MACF1: variants seen among roughly 807,000 people sequenced by gnomAD.
The protein encoded by MACF1 is microtubule-actin cross-linking factor 1.
In MACF1, 193 loss-of-function variants were observed where a neutral mutation model predicts 854.8. That is an observed-to-expected ratio of 0.23 (90% CI 0.20 to 0.25). MACF1 has a LOEUF of 0.25. MACF1 is among the 10% of genes least tolerant of loss of function. The pLI, the probability that MACF1 is intolerant of heterozygous loss-of-function variation, is 1.00. For missense variants in MACF1, 7,722 were observed against 8,929.1 expected, an observed-to-expected ratio of 0.86 and a Z score of 5.45; for synonymous variants, 3,185 against 3,226.7, an observed-to-expected ratio of 0.99 and a Z score of 0.44.
chr1:39,450,421 C>A (rs1644318210), intron 84 of MACF1, among the ~76,000 whole-genome samples: 1 of 151,770 alleles, frequency 6.6e-6, no homozygotes, highest in Admixed American at 6.6e-5. Flanking sequence ...AAACTATCAT[C>A]TTTTACTTAG....
intron 2 of MACF1, among the ~76,000 whole-genome samples, chr1:39,167,567 G>A (rs982899786): frequency 6.6e-5 from 10 of 152,150 alleles, no homozygotes; most frequent in Middle Eastern, 6.8e-3. Flanking sequence ...TTAGCTGGGC[G>A]TGGTGGTGCA....
At chr1:39,224,591 T>C (rs1644691012) in intron 1 of MACF1, among the ~76,000 whole-genome samples, 1 of 151,966 alleles carries the variant, frequency 6.6e-6, no homozygotes, top group East Asian at 1.9e-4. Context: ...ATAGAATAAA[T>C]AGGAGGTGGG....
chr1:39,305,594 A>G (rs1316071076), intron 23 of MACF1, among the ~76,000 whole-genome samples: 2 of 152,180 alleles, frequency 1.3e-5, no homozygotes, highest in Non-Finnish European at 2.9e-5. Context: ...AAATGTGGTT[A>G]TGTCACAGTT....
At chr1:39,374,901 G>C (rs1649576079) in intron 52 of MACF1, among the ~76,000 whole-genome samples, 1 of 152,060 alleles carries the variant, frequency 6.6e-6, no homozygotes, top group Non-Finnish European at 1.5e-5. Flanking sequence ...ATGAGGTCAG[G>C]TGATCGAGAC....
chr1:39,171,902 A>G (rs910512477), intron 2 of MACF1, among the ~76,000 whole-genome samples: 2 of 152,242 alleles, frequency 1.3e-5, no homozygotes, highest in Admixed American at 1.3e-4. Context: ...CTGGGATTAT[A>G]GGCGTGAGCC....
chr1:39,444,201 G>A (rs1448543243), intron 79 of MACF1, among the ~76,000 whole-genome samples: 1 of 152,052 alleles, frequency 6.6e-6, no homozygotes, highest in African/African-American at 2.4e-5. Flanking sequence ...CGGGCGTGGT[G>A]GCGGGCGCCT....
At chr1:39,287,238 T>C in intron 14 of MACF1, 48 bp from the exon 15 acceptor site, 1 of 1,565,622 alleles carries the variant, frequency 6.4e-7, no homozygotes, top group Non-Finnish European at 8.7e-7. Flanking sequence ...TTTTAAAAAC[T>C]ATACTATAGA....
chr1:39,367,342 GT>G (rs943386929), intron 49 of MACF1, among the ~76,000 whole-genome samples: 21 of 148,060 alleles, frequency 1.4e-4, no homozygotes, highest in African/African-American at 2.0e-4. Flanking sequence ...TGCATTGGCT[GT>G]TTTTTTTTTA....
intron 31 of MACF1, among the ~76,000 whole-genome samples, chr1:39,320,440 T>C (rs1404532488): frequency 1.3e-5 from 2 of 152,200 alleles, no homozygotes; most frequent in Non-Finnish European, 2.9e-5. Context: ...ACTCTGCCAG[T>C]TATGTGACAT....
intron 2 of MACF1, among the ~76,000 whole-genome samples, chr1:39,104,395 C>G (rs912004626): frequency 2.6e-5 from 4 of 152,204 alleles, no homozygotes; most frequent in Non-Finnish European, 5.9e-5. Context: ...AGTTTCCTTT[C>G]TTTACTCTTT....
In MACF1 at chr1:39,268,488, A is replaced by G. The variant is rs999163108; in HGVS notation, c.528+10460A>G. 7.1e-6 allele frequency: 8 copies of G among 1,133,604 alleles called. No homozygotes were observed. In the African/African-American group the frequency reaches 1.3e-4, roughly 19 times the overall value. 70.2% of individuals were successfully genotyped at this position (1,133,604 alleles called of 1,614,324 possible). A position where few individuals can be genotyped will look rare whatever the true frequency, so the allele number is the denominator to read the frequency against. Reference sequence around the variant, plus strand: ...AGATGCTTTGAATTTGTCTTGTTGCAGCTCTGAGCCTGTAAGATGGCTGTC... The same window carrying G: ...AGATGCTTTGAATTTGTCTTGTTGCGGCTCTGAGCCTGTAAGATGGCTGTC... On this transcript the variant is annotated intron_variant, in intron 6 of 100. Transcript: ENST00000564288.
At chr1:39,224,186 C>T (rs1265199468) in intron 1 of MACF1, among the ~76,000 whole-genome samples, 1 of 151,842 alleles carries the variant, frequency 6.6e-6, no homozygotes. Context: ...CCCCCTACTC[C>T]CCCCCATACA....
chr1:39,331,162 T>A lies in MACF1; in HGVS notation c.4615-41T>A, dbSNP rs1161135001. The A allele has an allele frequency of 1.5e-5, 22 of 1,477,916 alleles. No homozygotes were observed. In the African/African-American group the frequency reaches 2.6e-4, roughly 17 times the overall value. 91.6% of individuals were successfully genotyped at this position (1,477,916 alleles called of 1,614,324 possible). A position where few individuals can be genotyped will look rare whatever the true frequency, so the allele number is the denominator to read the frequency against. On this transcript the variant is annotated intron_variant, in intron 36 of 100. Coordinates refer to ENST00000564288, the MANE Select transcript of MACF1 (RefSeq NM_001394062.1). Reference sequence around the variant, plus strand: ...TGGCTCTGATTCAGTTTTCTTTTTCTTCTCTTTTCCTTTTTTTTTTTTTTT... The same window carrying A: ...TGGCTCTGATTCAGTTTTCTTTTTCATCTCTTTTCCTTTTTTTTTTTTTTT...
intron 49 of MACF1, among the ~76,000 whole-genome samples, chr1:39,363,696 A>G (rs1427311761): frequency 1.3e-5 from 2 of 150,862 alleles, no homozygotes; most frequent in South Asian, 2.1e-4. Context: ...TGTAACCTCA[A>G]CCTCCACTTG....
At chr1:39,231,062 T>C (rs1644771998) in intron 1 of MACF1, 120 bp from the exon 2 acceptor site, 1 of 763,986 alleles carries the variant, frequency 1.3e-6, no homozygotes, top group East Asian at 2.5e-5. Flanking sequence ...AAGAAGTCAC[T>C]GTCCCACAGT....
At chr1:39,376,375 C>T (rs1228438375) in intron 52 of MACF1, among the ~76,000 whole-genome samples, 1 of 152,180 alleles carries the variant, frequency 6.6e-6, no homozygotes, top group Non-Finnish European at 1.5e-5. Flanking sequence ...TCTGAAAAAC[C>T]ATGTATATTT....
chr1:39,285,783 AGGG>A (rs1645630400), intron 14 of MACF1, 25 bp downstream of exon 14: 2 of 1,610,486 alleles, frequency 1.2e-6, no homozygotes, highest in East Asian at 2.2e-5. Flanking sequence ...ACTCAAATGG[AGGG>A]CTTGCTTGCT....
At position 39,337,049 on chromosome 1, in the gene MACF1, A is replaced by G. The variant is rs899145705; in HGVS notation, c.10066-133A>G. 3.2e-5 allele frequency: 25 copies of G among 769,362 alleles called. No homozygotes were observed. The African/African-American group carries it at 4.2e-4, about 13-fold the overall frequency. The allele number at this position is 769,362 out of a possible 1,614,324, so 47.7% of individuals were successfully genotyped here. The stretch of plus-strand genomic sequence containing the variant: ...CTATTGATTTGAAATGACTTAAACA[A>G]AGTGTTTTATTTTATCCCACTCTAT... On this transcript the variant is annotated intron_variant, in intron 37 of 100. Transcript: ENST00000564288.
At position 39,332,945 on chromosome 1, in the gene MACF1, A is replaced by G. The variant is rs1008875712; in HGVS notation, c.6357A>G (p.Ala2119=). Residue 2119 remains alanine, a synonymous_variant, in exon 37 of 101, where the codon GCA becomes GCG. Coordinates refer to ENST00000564288, the MANE Select transcript of MACF1 (RefSeq NM_001394062.1). ...LIGTQREDQT[A]VSVRENASRG... ...GTACCCAAAGGGAAGACCAAACAGC[A>G]GTGTCTGTCAGAGAAAATGCCAGCA... The G allele has an allele frequency of 1.9e-6, 3 of 1,614,056 alleles. No homozygotes were observed. The African/African-American group carries it at 4.0e-5, about 22-fold the overall frequency.
Sources: gnomAD v4.1 joint callset for allele counts (sites outside exome capture counted in the v4.1 genomes callset) on GRCh38, gnomAD v4.1.1 for gene constraint, MANE v1.5 for transcripts, NCBI Gene and HGNC (gene_info 2026-07-23, HGNC 2026-07-21) for gene names.